The following DGKB variants were observed in gnomAD, a reference collection of about 807,000 sequenced individuals.
DGKB encodes the protein 90 kDa diacylglycerol kinase.
A neutral mutation model predicts 114.3 loss-of-function variants in DGKB; 67 were observed. The observed-to-expected ratio is 0.59, with a 90% CI of 0.48 to 0.72. The LOEUF (loss-of-function observed/expected upper bound fraction) is 0.72, where lower values mean the gene tolerates loss of function less well. Among genes scored for constraint, DGKB ranks in the 30% least tolerant of loss-of-function variants. The pLI, the probability that DGKB is intolerant of heterozygous loss-of-function variation, is 0.00. For missense variants in DGKB, 907 were observed against 975.2 expected (o/e 0.93, Z 0.93); for synonymous variants, 398 against 323.1 (o/e 1.23, Z -2.49).
intron 23 of DGKB, among the ~76,000 whole-genome samples, chr7:14,241,988 AT>A (rs1696648030): frequency 2.0e-5 from 3 of 148,034 alleles, no homozygotes; most frequent in African/African-American, 7.4e-5. Flanking sequence ...ACACACACAC[AT>A]ATATATATAC....
At chr7:14,970,219 C>T (rs147816847) in intron 1 of DGKB, among the ~76,000 whole-genome samples, 85 of 152,132 alleles carry the variant, frequency 5.6e-4, no homozygotes, top group African/African-American at 1.8e-3. Context: ...ATGATAATGA[C>T]GATGATGATG....
intron 23 of DGKB, among the ~76,000 whole-genome samples, chr7:14,263,758 C>T (rs938964530): frequency 3.6e-5 from 5 of 138,416 alleles, no homozygotes; most frequent in Non-Finnish European, 7.8e-5. Context: ...CTAAGAATTG[C>T]TACTTGAGGT....
chr7:14,567,148 T>TAA (rs1554517159), intron 20 of DGKB, among the ~76,000 whole-genome samples: 1 of 100,398 alleles, frequency 1.0e-5, no homozygotes, highest in Non-Finnish European at 1.9e-5. Flanking sequence ...TTTATATATA[T>TAA]AATATACAAT....
At chr7:14,433,125 A>G (rs765792348) in intron 21 of DGKB, among the ~76,000 whole-genome samples, 2 of 152,002 alleles carry the variant, frequency 1.3e-5, no homozygotes, top group African/African-American at 4.8e-5. Flanking sequence ...GAGGTCACAC[A>G]CTCTCCCTGG....
chr7:14,427,478 C>T (rs1421950504), intron 21 of DGKB, among the ~76,000 whole-genome samples: 1 of 152,134 alleles, frequency 6.6e-6, no homozygotes, highest in East Asian at 1.9e-4. Context: ...AAAGTTGCTT[C>T]CACATTTTTG....
intron 1 of DGKB, among the ~76,000 whole-genome samples, chr7:14,973,489 TG>T (rs1409735725): frequency 1.3e-5 from 2 of 151,018 alleles, no homozygotes; most frequent in Non-Finnish European, 3.0e-5. Context: ...GTTGTTGTTT[TG>T]TTTTTTTGTT....
At chr7:14,607,563 T>C in intron 16 of DGKB, 55 bp from the exon 17 acceptor site, 1 of 745,798 alleles carries the variant, frequency 1.3e-6, no homozygotes. Flanking sequence ...ACTTTTAAAA[T>C]AAGTAATGTC....
At chr7:14,638,554 T>C (rs138093182) in intron 13 of DGKB, among the ~76,000 whole-genome samples, 1 of 152,306 alleles carries the variant, frequency 6.6e-6, no homozygotes, top group East Asian at 1.9e-4. Context: ...AAATATTTGT[T>C]AAGCATCTAG....
At chr7:14,447,859 G>T (rs548116975) in intron 21 of DGKB, among the ~76,000 whole-genome samples, 1 of 151,980 alleles carries the variant, frequency 6.6e-6, no homozygotes, top group South Asian at 2.1e-4. Context: ...CCTAATTTCC[G>T]CAGTTCACTG....
chr7:14,661,989 G>T (rs1173803697), intron 13 of DGKB, among the ~76,000 whole-genome samples: 1 of 151,970 alleles, frequency 6.6e-6, no homozygotes, highest in Non-Finnish European at 1.5e-5. Context: ...CTCACTCATA[G>T]GTGGGAAATG....
intron 23 of DGKB, among the ~76,000 whole-genome samples, chr7:14,231,397 C>T (rs1264837519): frequency 1.3e-5 from 2 of 151,834 alleles, no homozygotes; most frequent in South Asian, 2.1e-4. Flanking sequence ...CTTGGCCTCC[C>T]CCAAAATATG....
At chr7:14,890,419 T>C (rs970670639) in intron 1 of DGKB, among the ~76,000 whole-genome samples, 4 of 151,434 alleles carry the variant, frequency 2.6e-5, no homozygotes, top group Non-Finnish European at 4.4e-5. Flanking sequence ...GCTTTTCCTC[T>C]AACATGCCTT....
At chr7:14,711,016 G>C (rs1827271534) in intron 6 of DGKB, among the ~76,000 whole-genome samples, 1 of 151,830 alleles carries the variant, frequency 6.6e-6, no homozygotes, top group Non-Finnish European at 1.5e-5. Flanking sequence ...CCAAATATTT[G>C]CCCTAAAAAT....
intron 12 of DGKB, among the ~76,000 whole-genome samples, chr7:14,681,334 C>T (rs919425297): frequency 2.0e-5 from 3 of 151,806 alleles, no homozygotes; most frequent in African/African-American, 7.3e-5. Flanking sequence ...AAAATGATTG[C>T]AGAAAATGTA....
chr7:14,785,856 A>G (rs1003356102), intron 2 of DGKB, among the ~76,000 whole-genome samples: 1 of 152,116 alleles, frequency 6.6e-6, no homozygotes, highest in Non-Finnish European at 1.5e-5. Context: ...ATACTATTAG[A>G]AAGTACAATT....
At chr7:14,692,065 T>C (rs1292015799) in intron 9 of DGKB, among the ~76,000 whole-genome samples, 2 of 152,092 alleles carry the variant, frequency 1.3e-5, no homozygotes, top group African/African-American at 4.8e-5. Flanking sequence ...TAAAATACTT[T>C]GAGTTAAATC....
chr7:14,899,427 T>C (rs376565982), intron 1 of DGKB, among the ~76,000 whole-genome samples: 2 of 152,144 alleles, frequency 1.3e-5, no homozygotes, highest in South Asian at 2.1e-4. Flanking sequence ...GTCTGCACTT[T>C]ATCTGTGACT....
At position 14,707,586 on chromosome 7, in the gene DGKB, G is replaced by A. The variant is rs1471845698; in HGVS notation, c.467-5856C>T. 3.8e-4 allele frequency among the ~76,000 whole-genome samples: 31 copies of A among 81,432 alleles called. 1 individual carries two copies. The South Asian group carries it at 9.6e-3, about 25-fold the overall frequency. The allele number at this position is 81,432 out of a possible 152,430, so 53.4% of individuals were successfully genotyped here. ...ATCCTCAATAAAATACTGGCAAACCGAATCCAGCAGCACATCAAAAAGCTT... is the reference window on the plus strand; with the variant it reads ...ATCCTCAATAAAATACTGGCAAACCAAATCCAGCAGCACATCAAAAAGCTT... On this transcript the variant is annotated intron_variant, in intron 6 of 25. Coordinates refer to ENST00000402815, the MANE Select transcript of DGKB (RefSeq NM_001350709.2).
At chr7:14,611,195 A>C (rs1302895061) in intron 16 of DGKB, among the ~76,000 whole-genome samples, 1 of 152,060 alleles carries the variant, frequency 6.6e-6, no homozygotes. Context: ...CTGAACTTTG[A>C]TAGCACTTTT....
Sources: gnomAD v4.1 joint callset for allele counts (sites outside exome capture counted in the v4.1 genomes callset) on GRCh38, gnomAD v4.1.1 for gene constraint, MANE v1.5 for transcripts, NCBI Gene and HGNC (gene_info 2026-07-23, HGNC 2026-07-21) for gene names.